Variants in NRF1 observed in about 807,000 individuals in gnomAD.
NRF1 encodes alpha palindromic-binding protein.
In NRF1, 5 loss-of-function variants were observed where a neutral mutation model predicts 58.5. The ratio of observed to expected loss-of-function variants is 0.09; its 90% CI spans 0.04 to 0.18. The LOEUF (loss-of-function observed/expected upper bound fraction) is 0.18, where lower values mean the gene tolerates loss of function less well. NRF1 is among the 10% of genes least tolerant of loss of function. NRF1 has a pLI of 1.00. For synonymous variants in NRF1, 224 were observed against 246.7 expected (o/e 0.91, Z 0.86); for missense variants, 288 against 657.7 (o/e 0.44, Z 6.15).
At chr7:129,633,299 A>G (rs1287475851) in intron 1 of NRF1, 2 of 152,230 alleles carry the variant, frequency 1.3e-5, no homozygotes, top group Non-Finnish European at 2.9e-5. Context: ...TTATGGGAAA[A>G]AGGAAAATAA....
intron 5 of NRF1, among the ~76,000 whole-genome samples, chr7:129,700,442 A>G (rs1802794816): frequency 6.6e-6 from 1 of 152,182 alleles, no homozygotes; most frequent in Admixed American, 6.5e-5. Context: ...AAACTCTCCA[A>G]GTGATTCCAG....
intron 1 of NRF1, among the ~76,000 whole-genome samples, chr7:129,656,561 T>G (rs934252040): frequency 4.0e-5 from 6 of 150,054 alleles, no homozygotes; most frequent in South Asian, 2.1e-4. Context: ...GTTTTTTGGG[T>G]TTTTTTTTGG....
chr7:129,647,747 T>C (rs1801442520), intron 1 of NRF1, among the ~76,000 whole-genome samples: 1 of 152,248 alleles, frequency 6.6e-6, no homozygotes, highest in African/African-American at 2.4e-5. Flanking sequence ...AACTGGATTA[T>C]CGTGTTATTA....
At chr7:129,734,395 G>C (rs549279276) in intron 10 of NRF1, among the ~76,000 whole-genome samples, 4 of 152,254 alleles carry the variant, frequency 2.6e-5, no homozygotes, top group African/African-American at 9.6e-5. Flanking sequence ...GTGAGCTCTG[G>C]GTTCCTGCCT....
chr7:129,652,881 C>T (rs555101320), intron 1 of NRF1, among the ~76,000 whole-genome samples: 13 of 152,274 alleles, frequency 8.5e-5, no homozygotes, highest in South Asian at 8.3e-4. Context: ...CGTGAGCCAC[C>T]GCGCCCGGCC....
At chr7:129,748,138 G>A (rs954148562) in intron 10 of NRF1, among the ~76,000 whole-genome samples, 2 of 151,840 alleles carry the variant, frequency 1.3e-5, no homozygotes, top group African/African-American at 4.8e-5. Flanking sequence ...AGCCGGGCGT[G>A]GTGGTGCGCG....
In NRF1 at chr7:129,677,156, G is replaced by A. The variant is rs183880701; in HGVS notation, c.339-476G>A. ...CTCCCAAGAATCTAGGATTACAGGC[G>A]TGTGCCACCATGTCTGGGTAATGTT... is the stretch of plus-strand genomic sequence containing the variant. On this transcript the variant is annotated intron_variant, in intron 3 of 10. Coordinates refer to ENST00000393232, the MANE Select transcript of NRF1 (RefSeq NM_005011.5). Among the ~76,000 whole-genome samples, 13 of 152,086 alleles carry A rather than the reference G, an allele frequency of 8.5e-5. No homozygotes were observed. The East Asian group carries it at 1.5e-3, about 18-fold the overall frequency.
intron 4 of NRF1, among the ~76,000 whole-genome samples, chr7:129,683,805 G>A (rs1294926845): frequency 6.8e-6 from 1 of 146,608 alleles, no homozygotes; most frequent in African/African-American, 2.5e-5. Context: ...GCTAATTTTT[G>A]TATTTTTACT....
intron 9 of NRF1, 37 bp downstream of exon 9, chr7:129,717,413 A>T (rs1239117508): frequency 6.3e-7 from 1 of 1,577,912 alleles, no homozygotes; most frequent in Admixed American, 1.8e-5. Flanking sequence ...GAGGATCGCA[A>T]ATCTGTCCCT....
At chr7:129,662,108 A>G (rs879164137) in intron 2 of NRF1, among the ~76,000 whole-genome samples, 1 of 150,582 alleles carries the variant, frequency 6.6e-6, no homozygotes, top group Non-Finnish European at 1.5e-5. Context: ...CACCGGAAAG[A>G]CCTGCCCGCA....
intron 1 of NRF1, among the ~76,000 whole-genome samples, chr7:129,644,459 A>G (rs1292254212): frequency 6.6e-6 from 1 of 152,252 alleles, no homozygotes; most frequent in East Asian, 1.9e-4. Flanking sequence ...ACTGATAGAT[A>G]ATGGCCTGTG....
At chr7:129,728,793 T>C (rs1168664188) in intron 10 of NRF1, among the ~76,000 whole-genome samples, 1 of 152,228 alleles carries the variant, frequency 6.6e-6, no homozygotes, top group East Asian at 1.9e-4. Context: ...AATTCAATTC[T>C]AAAACTATAG....
intron 4 of NRF1, among the ~76,000 whole-genome samples, chr7:129,684,259 A>G (rs1288717196): frequency 6.6e-6 from 1 of 152,178 alleles, no homozygotes; most frequent in Non-Finnish European, 1.5e-5. Flanking sequence ...AAAAACTGCT[A>G]CATGCTAATG....
In NRF1 at chr7:129,671,501, C is replaced by G; in HGVS notation, c.296C>G (p.Ser99Cys). 2 of 1,613,646 alleles carry G rather than the reference C, an allele frequency of 1.2e-6. No homozygotes were observed. Among genetic ancestry groups the G allele is most frequent in the Non-Finnish European group, 8.5e-7 (1 of 1,179,534 alleles). ...CGGAAACGGCCTCATGTATTTGAGT[C>G]TAATCCATCTATCCGGAAGAGGCAA... is the stretch of plus-strand genomic sequence containing the variant. ...KKRKRPHVFE[S>C]NPSIRKRQQT... The change falls in exon 3 of 11, where the codon TCT (serine) becomes TGT (cysteine). Residue 99 changes from serine to cysteine, a missense_variant. Transcript: ENST00000393232.
intron 1 of NRF1, among the ~76,000 whole-genome samples, chr7:129,641,406 GTCCC>G (rs978291509): frequency 2.0e-5 from 3 of 151,916 alleles, no homozygotes; most frequent in Non-Finnish European, 2.9e-5. Context: ...CCCCCTTCAC[GTCCC>G]TCTTTTTATA....
chr7:129,697,266 G>A (rs13230677), intron 5 of NRF1, among the ~76,000 whole-genome samples: 47,587 of 151,310 alleles, frequency 0.31, 8,438 homozygotes, highest in Non-Finnish European at 0.42. Flanking sequence ...ATAAATAGCC[G>A]GGCGCGGTGG....
intron 5 of NRF1, among the ~76,000 whole-genome samples, chr7:129,708,609 T>C (rs1192976782): frequency 6.6e-6 from 1 of 152,228 alleles, no homozygotes; most frequent in African/African-American, 2.4e-5. Context: ...CTCTTTGGAA[T>C]TCTCTAGATA....
At chr7:129,621,950 T>G (rs1490433944) in intron 1 of NRF1, among the ~76,000 whole-genome samples, 1 of 151,996 alleles carries the variant, frequency 6.6e-6, no homozygotes, top group African/African-American at 2.4e-5. Context: ...GCCGGGCTAA[T>G]TTTTGTGTTT....
chr7:129,645,936 G>A (rs796314183), intron 1 of NRF1, among the ~76,000 whole-genome samples: 17 of 152,228 alleles, frequency 1.1e-4, no homozygotes, highest in South Asian at 8.3e-4. Context: ...TGCAGCCTCC[G>A]CCTCCCGGGT....
Sources: allele counts gnomAD v4.1 joint callset (sites outside exome capture counted in the v4.1 genomes callset), GRCh38; gene constraint gnomAD v4.1.1; transcripts MANE v1.5; gene names NCBI Gene and HGNC (gene_info 2026-07-23, HGNC 2026-07-21).